PACRG: variants seen among roughly 807,000 people sequenced by gnomAD.
PACRG encodes the protein parkin coregulated gene protein.
PACRG carries 29 observed loss-of-function variants against 29.7 expected under a neutral mutation model. That is an observed-to-expected ratio of 0.98 (90% CI 0.73 to 1.33). PACRG has a LOEUF of 1.33. Among genes scored for constraint, PACRG ranks in the 40% most tolerant of loss-of-function variants. The pLI, the probability that PACRG is intolerant of heterozygous loss-of-function variation, is 0.00. For synonymous variants in PACRG, 116 were observed against 118.7 expected (o/e 0.98, Z 0.15); for missense variants, 279 against 316.2 (o/e 0.88, Z 0.89).
At chr6:162,944,914 A>T (rs1798894707) in intron 2 of PACRG, among the ~76,000 whole-genome samples, 1 of 152,138 alleles carries the variant, frequency 6.6e-6, no homozygotes, top group African/African-American at 2.4e-5. Flanking sequence ...TAGAAAACTT[A>T]TTTAGCCAAA....
intron 4 of PACRG, among the ~76,000 whole-genome samples, chr6:163,205,606 C>T (rs1780870783): frequency 6.6e-6 from 1 of 152,100 alleles, no homozygotes; most frequent in African/African-American, 2.4e-5. Flanking sequence ...ACTACAAAAA[C>T]CCTGGAAGAT....
chr6:163,057,446 C>T (rs1472976261), intron 2 of PACRG, among the ~76,000 whole-genome samples: 3 of 152,132 alleles, frequency 2.0e-5, no homozygotes, highest in African/African-American at 4.8e-5. Context: ...GACAGAGTCT[C>T]ACTCTGTCAC....
chr6:162,852,004 G>GTA (rs57306089), intron 2 of PACRG, among the ~76,000 whole-genome samples: 1 of 137,620 alleles, frequency 7.3e-6, no homozygotes, highest in African/African-American at 2.8e-5. Context: ...AGGGAGGGAG[G>GTA]GAGGAAGGAA....
chr6:162,784,383 A>G (rs563750553), intron 1 of PACRG, among the ~76,000 whole-genome samples: 3 of 152,316 alleles, frequency 2.0e-5, no homozygotes, highest in Admixed American at 6.5e-5. Flanking sequence ...CTGCGTGGAA[A>G]GGACTGTGAG....
rs1018789003 is a variant in PACRG, at chr6:162,777,866, T to C, written c.157-36281T>C. Among the ~76,000 whole-genome samples the C allele has an allele frequency of 2.6e-5, 4 of 152,128 alleles. No individual in the cohort carries two copies. The highest frequency in any genetic ancestry group is 9.7e-5 in the African/African-American group (4 of 41,432). On this transcript the variant is annotated intron_variant, in intron 1 of 4. Transcript: ENST00000366888. The surrounding 1 kb of genome is among the most constrained non-coding windows in gnomAD (Gnocchi z 4.0). The stretch of plus-strand genomic sequence containing the variant: ...AACCTCCCTACCTTCTTTCTTTCCT[T>C]CCTTCCCACCCTCCTTCCTTCTTTC...
intron 2 of PACRG, among the ~76,000 whole-genome samples, chr6:162,895,769 A>G (rs889247367): frequency 1.3e-5 from 2 of 152,218 alleles, no homozygotes; most frequent in Non-Finnish European, 2.9e-5. Context: ...AATTGGAGTT[A>G]TCTGATTATT....
intron 2 of PACRG, among the ~76,000 whole-genome samples, chr6:162,983,745 C>T (rs929923016): frequency 1.3e-5 from 2 of 151,970 alleles, no homozygotes; most frequent in Admixed American, 1.3e-4. Context: ...AAGATTATTT[C>T]CTTTGTCTTG....
intron 4 of PACRG, among the ~76,000 whole-genome samples, chr6:163,219,530 G>A (rs912594970): frequency 6.6e-5 from 10 of 152,178 alleles, no homozygotes; most frequent in African/African-American, 2.4e-4. Context: ...ATCCCATCAT[G>A]CCATTCTCTT....
chr6:162,804,697 T>A (rs1210547949), intron 1 of PACRG, among the ~76,000 whole-genome samples: 1 of 152,146 alleles, frequency 6.6e-6, no homozygotes, highest in African/African-American at 2.4e-5. Flanking sequence ...CTGTTAGACC[T>A]TGACTGAAAA....
chr6:163,013,126 T>G (rs1218255539), intron 2 of PACRG, among the ~76,000 whole-genome samples: 1 of 151,966 alleles, frequency 6.6e-6, no homozygotes, highest in Non-Finnish European at 1.5e-5. Context: ...TGTTTTCCTG[T>G]TTGTTTTTAC....
rs186544936 is a variant in PACRG, at chr6:163,311,301, C to A, written c.614-3526C>A. Among the ~76,000 whole-genome samples, 5 of 152,270 alleles carry A rather than the reference C, an allele frequency of 3.3e-5. No individual in the cohort carries two copies. The South Asian group carries it at 6.2e-4, about 19-fold the overall frequency. On this transcript the variant is annotated intron_variant, in intron 4 of 4. Transcript: ENST00000366888. Reference sequence around the variant, plus strand: ...TTGTTTGATTATAAATAAAATATATCTTTTCCATCATCAATGTATATTTTC... The same window carrying A: ...TTGTTTGATTATAAATAAAATATATATTTTCCATCATCAATGTATATTTTC...
At chr6:163,277,576 A>G (rs553387210) in intron 4 of PACRG, among the ~76,000 whole-genome samples, 2 of 148,184 alleles carry the variant, frequency 1.3e-5, no homozygotes, top group African/African-American at 5.0e-5. Context: ...TTTTGTCTAT[A>G]TATGTATACA....
chr6:163,040,901 G>C (rs1808632043), intron 2 of PACRG, among the ~76,000 whole-genome samples: 1 of 152,154 alleles, frequency 6.6e-6, no homozygotes, highest in Non-Finnish European at 1.5e-5. Flanking sequence ...GTTAATGCTG[G>C]AATTTAGTTA....
At chr6:163,290,272 G>GCA (rs1249677201) in intron 4 of PACRG, among the ~76,000 whole-genome samples, 98 of 100,656 alleles carry the variant, frequency 9.7e-4, no homozygotes, top group Middle Eastern at 0.01. Flanking sequence ...ATGCACGCGC[G>GCA]CGCGCGCACA....
chr6:162,894,687 A>G (rs1364127523), intron 2 of PACRG, among the ~76,000 whole-genome samples: 2 of 152,188 alleles, frequency 1.3e-5, no homozygotes, highest in African/African-American at 2.4e-5. Flanking sequence ...CCTCTGGATG[A>G]ACGTGTTATA....
At chr6:163,279,877 T>C (rs1261333760) in intron 4 of PACRG, among the ~76,000 whole-genome samples, 1 of 152,238 alleles carries the variant, frequency 6.6e-6, no homozygotes, top group Non-Finnish European at 1.5e-5. Flanking sequence ...ATTATTCCTA[T>C]GTTATTGAAT....
rs1310392633 is a variant in PACRG, at chr6:163,264,693, G to C, written c.614-50134G>C. On this transcript the variant is annotated intron_variant, in intron 4 of 4. Coordinates refer to ENST00000366888, the MANE Select transcript of PACRG (RefSeq NM_001080379.2). ...CACGGTGAGGGCAGAGCTTCCGCTG[G>C]TTGGAAAATAGGGGGTGAAACTGAG... 4.6e-5 allele frequency among the ~76,000 whole-genome samples: 7 copies of C among 152,276 alleles called. No individual in the cohort carries two copies. In the South Asian group the frequency reaches 1.2e-3, roughly 27 times the overall value.
intron 1 of PACRG, among the ~76,000 whole-genome samples, chr6:162,787,582 G>GTGTGTGTATATATATATATATATA (rs1198197561): frequency 1.6e-5 from 1 of 62,418 alleles, no homozygotes; most frequent in Non-Finnish European, 3.0e-5. Context: ...GTGTGTGTGT[G>GTGTGTGTATATATATATATATATA]TATATATATA....
chr6:162,854,971 C>T (rs1791254528), intron 2 of PACRG, among the ~76,000 whole-genome samples: 1 of 152,268 alleles, frequency 6.6e-6, no homozygotes, highest in African/African-American at 2.4e-5. Flanking sequence ...GCAGCCGCTG[C>T]AGCAGCATCG....
Sources: gnomAD v4.1 joint callset for allele counts (sites outside exome capture counted in the v4.1 genomes callset) on GRCh38, gnomAD v4.1.1 for gene constraint, Gnocchi (gnomAD v3.1) non-coding constraint, MANE v1.5 for transcripts, NCBI Gene and HGNC (gene_info 2026-07-23, HGNC 2026-07-21) for gene names.